The following CCDC30 variants were observed in gnomAD, a reference collection of about 807,000 sequenced individuals.
CCDC30 encodes coiled-coil domain-containing protein 30.
CCDC30 carries 70 observed loss-of-function variants against 100.2 expected under a neutral mutation model. The observed-to-expected ratio is 0.70, with a 90% confidence interval of 0.58 to 0.85. The LOEUF is 0.85. Ranked by LOEUF, CCDC30 falls within the 40% of genes least tolerant of loss-of-function variation. The pLI is 0.00. For synonymous variants in CCDC30, 233 were observed against 269.5 expected (o/e 0.86, Z 1.33); for missense variants, 652 against 771.2 (o/e 0.85, Z 1.83).
intron 1 of CCDC30, chr1:42,467,637 A>G (rs1193905268): frequency 1.3e-5 from 2 of 152,228 alleles, no homozygotes; most frequent in African/African-American, 4.8e-5. Flanking sequence ...GACTCATTTT[A>G]TATTGCCCTC....
intron 6 of CCDC30, among the ~76,000 whole-genome samples, chr1:42,563,114 A>AGT (rs1367463723): frequency 6.6e-6 from 1 of 152,238 alleles, no homozygotes. Flanking sequence ...GTATATACCC[A>AGT]AAGAAATATA....
At chr1:42,468,205 C>T (rs1329791850) in intron 1 of CCDC30, among the ~76,000 whole-genome samples, 2 of 152,160 alleles carry the variant, frequency 1.3e-5, no homozygotes, top group Non-Finnish European at 2.9e-5. Flanking sequence ...AAATGTATTC[C>T]TCCCACATAA....
At chr1:42,586,259 G>A (rs1186791368) in intron 9 of CCDC30, among the ~76,000 whole-genome samples, 1 of 152,122 alleles carries the variant, frequency 6.6e-6, no homozygotes, top group Non-Finnish European at 1.5e-5. Context: ...ATGAGATAAG[G>A]AGGTGACGTA....
intron 1 of CCDC30, among the ~76,000 whole-genome samples, chr1:42,470,870 A>G (rs1643748697): frequency 6.6e-6 from 1 of 152,192 alleles, no homozygotes. Flanking sequence ...AAATTTCTGG[A>G]AATGATTGTG....
the CCDC30 span, chr1:42,456,890 G>A: frequency 6.2e-7 from 1 of 1,612,636 alleles, no homozygotes; most frequent in Admixed American, 1.7e-5. Flanking sequence ...GCGGCCTTCG[G>A]GCCCAGCCCT....
intron 10 of CCDC30, chr1:42,590,801 A>G (rs1646171810): frequency 6.6e-6 from 1 of 152,132 alleles, no homozygotes; most frequent in African/African-American, 2.4e-5. Flanking sequence ...TGACCAAAAT[A>G]CTGATAGAAA....
chr1:42,646,051 T>A, intron 14 of CCDC30, 84 bp from the exon 19 acceptor site: 1 of 1,475,688 alleles, frequency 6.8e-7, no homozygotes, highest in Non-Finnish European at 9.0e-7. Context: ...TCAAACTCAA[T>A]ATTCCGTATG....
rs1644267073 is a variant in CCDC30, at chr1:42,498,917, G to A, written c.456+1G>A. ...TGTGGGTGGTGAACAGAGAGAACAG[G>A]TATTGTATTTTAAAGTTCTGTTCTT... On this transcript the variant is annotated splice_donor_variant, in intron 6 of 16. Transcript: ENST00000668663. LOFTEE classifies it high-confidence loss of function. The A allele has an allele frequency of 8.1e-7, 1 of 1,228,670 alleles. No homozygotes were observed. The highest frequency in any genetic ancestry group is 4.1e-5 in the South Asian group (1 of 24,332). The allele number at this position is 1,228,670 out of a possible 1,614,324, so 76.1% of individuals were successfully genotyped here. A position where few individuals can be genotyped will look rare whatever the true frequency, so the allele number is the denominator to read the frequency against.
At chr1:42,459,394 C>T, upstream of CCDC30, 1 of 575,306 alleles carries the variant, frequency 1.7e-6, no homozygotes, top group Non-Finnish European at 3.1e-6. Context: ...GAACTGGGCT[C>T]AAGCGATCCA....
chr1:42,635,916 T>C (rs1208855879), intron 11 of CCDC30, among the ~76,000 whole-genome samples: 1 of 152,162 alleles, frequency 6.6e-6, no homozygotes, highest in African/African-American at 2.4e-5. Context: ...TGTATAAGGG[T>C]TCCAATTTCT....
chr1:42,557,330 G>A (rs1645390235), intron 6 of CCDC30, among the ~76,000 whole-genome samples: 1 of 152,140 alleles, frequency 6.6e-6, no homozygotes, highest in African/African-American at 2.4e-5. Flanking sequence ...AAAGGAAAAG[G>A]AGTCACTGAA....
At chr1:42,505,913 T>C (rs896872703) in intron 6 of CCDC30, among the ~76,000 whole-genome samples, 5 of 152,316 alleles carry the variant, frequency 3.3e-5, no homozygotes, top group South Asian at 4.1e-4. Flanking sequence ...TTAGAAGAAA[T>C]ACAGCCTTCC....
intron 3 of CCDC30, among the ~76,000 whole-genome samples, chr1:42,489,231 T>C (rs568189947): frequency 8.5e-4 from 130 of 152,382 alleles, no homozygotes; most frequent in African/African-American, 3.0e-3. Context: ...AGTTGTGTAA[T>C]GTTGAGCAAC....
rs969940739 is a variant in CCDC30, at chr1:42,566,504, A to T, written c.636+29A>T. 10 of 1,591,374 alleles carry T rather than the reference A, an allele frequency of 6.3e-6. No individual in the cohort carries two copies. The Admixed American group carries it at 1.2e-4, about 19-fold the overall frequency. ...ACTCTTGTGGGCAAATGCTTTATGG[A>T]AGGGTTTCAGTTGGCCCTGGGAATA... On this transcript the variant is annotated intron_variant, in intron 7 of 16. Transcript: ENST00000668663.
chr1:42,600,080 C>A (rs565880224), intron 10 of CCDC30, among the ~76,000 whole-genome samples: 1 of 152,124 alleles, frequency 6.6e-6, no homozygotes, highest in Non-Finnish European at 1.5e-5. Flanking sequence ...TTAGAAACCA[C>A]CCCCATGATC....
chr1:42,625,034 C>CT lies in CCDC30; in HGVS notation c.1278-12195dup, dbSNP rs200143514. ...TTCTGGCCTTTTCTTTACTGGGGGA[C>CT]TTTTTTTTATGGCTTTGATTTCCTT... On this transcript the variant is annotated intron_variant, in intron 11 of 16. Transcript: ENST00000668663. 2.0e-5 allele frequency among the ~76,000 whole-genome samples: 3 copies of CT among 151,710 alleles called. No homozygotes were observed. In the South Asian group the frequency reaches 6.3e-4, roughly 32 times the overall value.
chr1:42,566,292 T>G lies in CCDC30; in HGVS notation c.457-4T>G. ...GTGTTTCTCTTTTAAAATGTTTGCTTTAGCATCCATCATCTGGAGAAAAAC... is the reference window on the plus strand; with the variant it reads ...GTGTTTCTCTTTTAAAATGTTTGCTGTAGCATCCATCATCTGGAGAAAAAC... On this transcript the variant is annotated splice_region_variant and splice_polypyrimidine_tract_variant and intron_variant, in intron 6 of 16. Coordinates refer to ENST00000668663, the Ensembl canonical transcript of CCDC30. The G allele has an allele frequency of 6.2e-7, 1 of 1,610,908 alleles. No individual in the cohort carries two copies. Among genetic ancestry groups the G allele is most frequent in the African/African-American group, 1.3e-5 (1 of 74,976 alleles).
At chr1:42,505,794 T>C (rs1197650732) in intron 6 of CCDC30, among the ~76,000 whole-genome samples, 3 of 152,198 alleles carry the variant, frequency 2.0e-5, no homozygotes, top group Non-Finnish European at 2.9e-5. Flanking sequence ...AGTGACATTT[T>C]TTACTGACCA....
chr1:42,551,355 TG>T (rs1001722021), intron 6 of CCDC30, among the ~76,000 whole-genome samples: 14 of 152,198 alleles, frequency 9.2e-5, no homozygotes, highest in African/African-American at 1.7e-4. Context: ...TGAAGACTGG[TG>T]ACAATTGCAG....
Sources: allele counts gnomAD v4.1 joint callset (sites outside exome capture counted in the v4.1 genomes callset), GRCh38; gene constraint gnomAD v4.1.1; transcripts MANE v1.5; gene names NCBI Gene and HGNC (gene_info 2026-07-23, HGNC 2026-07-21).